Variants in STXBP5L observed in about 807,000 individuals in gnomAD.
STXBP5L encodes the protein syntaxin binding protein 5L, also known as syntaxin-binding protein 5-like.
In STXBP5L, 65 loss-of-function variants were observed where a neutral mutation model predicts 144.5. The ratio of observed to expected loss-of-function variants is 0.45; its 90% CI spans 0.37 to 0.55. The LOEUF (loss-of-function observed/expected upper bound fraction) is 0.55. Ranked by LOEUF, STXBP5L falls within the 20% of genes least tolerant of loss-of-function variation. The pLI, the probability that STXBP5L is intolerant of heterozygous loss-of-function variation, is 0.00. For missense variants in STXBP5L, 1,298 were observed against 1,405.5 expected, an observed-to-expected ratio of 0.92 and a Z score of 1.22; for synonymous variants, 505 against 469.6, an observed-to-expected ratio of 1.08 and a Z score of -0.97.
intron 2 of STXBP5L, among the ~76,000 whole-genome samples, chr3:120,935,097 C>T (rs1710193822): frequency 6.6e-6 from 1 of 151,084 alleles, no homozygotes; most frequent in South Asian, 2.1e-4. Flanking sequence ...TACTCTTTTT[C>T]TGTCTTGTCT....
intron 3 of STXBP5L, among the ~76,000 whole-genome samples, chr3:120,982,396 G>T (rs1227825618): frequency 1.3e-5 from 2 of 152,182 alleles, no homozygotes; most frequent in South Asian, 4.1e-4. Flanking sequence ...GGCAGGGAGA[G>T]CTCCTGGTGA....
Position 121,063,306 on chromosome 3 carries a change from C to T in STXBP5L, c.470+17771C>T, listed in dbSNP as rs148845794. On this transcript the variant is annotated intron_variant, in intron 5 of 26. Coordinates refer to ENST00000471454, the MANE Select transcript of STXBP5L (RefSeq NM_001308330.2). ...CTGGAGGTCTACTGCAGACTGTTTGCTTGGGTATCACCAGTGGATGCTGCA... is the reference window on the plus strand; with the variant it reads ...CTGGAGGTCTACTGCAGACTGTTTGTTTGGGTATCACCAGTGGATGCTGCA... 5.4e-4 allele frequency among the ~76,000 whole-genome samples: 82 copies of T among 152,308 alleles called. 1 individual carries two copies. The East Asian group carries it at 0.015, about 27-fold the overall frequency.
intron 3 of STXBP5L, among the ~76,000 whole-genome samples, chr3:121,015,688 G>A (rs1158615940): frequency 6.6e-6 from 1 of 152,104 alleles, no homozygotes; most frequent in Non-Finnish European, 1.5e-5. Flanking sequence ...TTCCGAATAA[G>A]CATTGTAAAA....
Position 121,000,462 on chromosome 3 carries a change from CAGTT to C in STXBP5L, c.288-41235_288-41232del, listed in dbSNP as rs371531424. Among the ~76,000 whole-genome samples the C allele has an allele frequency of 1.3e-3, 197 of 152,166 alleles. 1 individual carries two copies. Among genetic ancestry groups the C allele is most frequent in the African/African-American group, 4.6e-3 (189 of 41,528 alleles). On this transcript the variant is annotated intron_variant, in intron 3 of 26. Coordinates refer to ENST00000471454, the MANE Select transcript of STXBP5L (RefSeq NM_001308330.2). The stretch of plus-strand genomic sequence containing the variant: ...GGTGAGTTTTTCATGTCTATCAGAT[CAGTT>C]AGGTTCTTTCTTAAATGGCTATTTC...
intron 7 of STXBP5L, among the ~76,000 whole-genome samples, chr3:121,124,292 C>A (rs948048390): frequency 1.3e-5 from 2 of 151,726 alleles, no homozygotes; most frequent in African/African-American, 4.8e-5. Context: ...TTGGCTATTT[C>A]TGACTCATTA....
chr3:121,352,468 G>A (rs183884288), intron 20 of STXBP5L, among the ~76,000 whole-genome samples: 1 of 152,050 alleles, frequency 6.6e-6, no homozygotes, highest in African/African-American at 2.4e-5. Context: ...ATTCACTCAT[G>A]ATTTGGCTCT....
chr3:120,995,345 C>T (rs1943256259), intron 3 of STXBP5L, among the ~76,000 whole-genome samples: 1 of 151,812 alleles, frequency 6.6e-6, no homozygotes, highest in Non-Finnish European at 1.5e-5. Context: ...GTAGGGTTTC[C>T]CTATGTCAAC....
intron 5 of STXBP5L, among the ~76,000 whole-genome samples, chr3:121,083,400 G>A (rs1370554792): frequency 6.6e-6 from 1 of 152,038 alleles, no homozygotes; most frequent in Non-Finnish European, 1.5e-5. Flanking sequence ...AGTGGCTCAC[G>A]CCTGTAATTC....
At chr3:121,286,172 C>G (rs1448073718) in intron 19 of STXBP5L, among the ~76,000 whole-genome samples, 1 of 152,054 alleles carries the variant, frequency 6.6e-6, no homozygotes, top group Non-Finnish European at 1.5e-5. Context: ...GAGTCCCAGG[C>G]CTATTATCCC....
intron 3 of STXBP5L, among the ~76,000 whole-genome samples, chr3:120,967,293 C>T (rs897569970): frequency 4.6e-5 from 7 of 152,136 alleles, no homozygotes; most frequent in African/African-American, 1.2e-4. Context: ...GCTCACCCTC[C>T]GTGGGCTGCA....
chr3:120,930,605 T>C (rs1439269374), intron 2 of STXBP5L, among the ~76,000 whole-genome samples: 2 of 152,182 alleles, frequency 1.3e-5, no homozygotes, highest in Admixed American at 6.5e-5. Context: ...TATTGAAATA[T>C]TTTAGTGTTT....
intron 22 of STXBP5L, among the ~76,000 whole-genome samples, chr3:121,385,701 G>T (rs1490545335): frequency 6.6e-6 from 1 of 151,762 alleles, no homozygotes; most frequent in Non-Finnish European, 1.5e-5. Flanking sequence ...CCTTCATACT[G>T]GTCATATACC....
intron 5 of STXBP5L, among the ~76,000 whole-genome samples, chr3:121,095,182 G>A (rs568480852): frequency 1.3e-5 from 2 of 152,152 alleles, no homozygotes; most frequent in Non-Finnish European, 2.9e-5. Context: ...GCTTCCCTTT[G>A]TGGGTAACCC....
intron 20 of STXBP5L, among the ~76,000 whole-genome samples, chr3:121,342,165 G>T (rs2108585150): frequency 6.6e-6 from 1 of 152,074 alleles, no homozygotes; most frequent in South Asian, 2.1e-4. Context: ...AATATTCACA[G>T]ACAAGTGAAC....
At chr3:120,925,460 C>T (rs566733984) in intron 2 of STXBP5L, among the ~76,000 whole-genome samples, 1 of 152,246 alleles carries the variant, frequency 6.6e-6, no homozygotes, top group African/African-American at 2.4e-5. Context: ...TGTATTTCAT[C>T]TGATCTACAT....
intron 20 of STXBP5L, among the ~76,000 whole-genome samples, chr3:121,344,516 G>A (rs1345532397): frequency 6.6e-6 from 1 of 152,032 alleles, no homozygotes; most frequent in Non-Finnish European, 1.5e-5. Context: ...AGAGGCCATG[G>A]TTAAAGGACA....
chr3:121,210,990 G>A (rs545314826), intron 10 of STXBP5L, among the ~76,000 whole-genome samples: 26 of 152,170 alleles, frequency 1.7e-4, no homozygotes, highest in African/African-American at 3.1e-4. Context: ...AGCTTGATGG[G>A]GATGGCATTG....
At chr3:121,096,487 A>T (rs1036076368) in intron 5 of STXBP5L, among the ~76,000 whole-genome samples, 1 of 151,998 alleles carries the variant, frequency 6.6e-6, no homozygotes, top group Non-Finnish European at 1.5e-5. Context: ...CCCCATCTTC[A>T]TGGATTTATC....
intron 18 of STXBP5L, among the ~76,000 whole-genome samples, chr3:121,278,786 G>A (rs2050959576): frequency 6.6e-6 from 1 of 151,786 alleles, no homozygotes; most frequent in Non-Finnish European, 1.5e-5. Flanking sequence ...GTAAGTGATA[G>A]AGATGAGAAT....
Sources: gnomAD v4.1 joint callset for allele counts (sites outside exome capture counted in the v4.1 genomes callset) on GRCh38, gnomAD v4.1.1 for gene constraint, MANE v1.5 for transcripts, NCBI Gene and HGNC (gene_info 2026-07-23, HGNC 2026-07-21) for gene names.